Variants in PKIA observed in about 807,000 individuals in gnomAD.
PKIA encodes the protein cAMP-dependent protein kinase inhibitor alpha.
PKIA carries 4 observed loss-of-function variants against 7.6 expected under a neutral mutation model. The ratio of observed to expected loss-of-function variants is 0.52; its 90% CI spans 0.26 to 1.20. PKIA has a LOEUF of 1.20. Ranked by LOEUF, PKIA falls within the 50% of genes most tolerant of loss-of-function variation. The pLI is 0.13. For missense variants in PKIA, 73 were observed against 86.2 expected (o/e 0.85, Z 0.61); for synonymous variants, 21 against 30.7 (o/e 0.68, Z 1.04).
chr8:78,582,516 G>C (rs898796627), intron 2 of PKIA, among the ~76,000 whole-genome samples: 3 of 152,006 alleles, frequency 2.0e-5, no homozygotes, highest in Non-Finnish European at 4.4e-5. Flanking sequence ...CCCACAACAC[G>C]TGAGGATTAT....
intron 1 of PKIA, among the ~76,000 whole-genome samples, chr8:78,537,435 G>C (rs973032944): frequency 6.6e-6 from 1 of 151,988 alleles, no homozygotes; most frequent in Non-Finnish European, 1.5e-5. Context: ...AAAGCCACAA[G>C]GGAACAAGTC....
chr8:78,582,439 C>T (rs1320451171), intron 2 of PKIA, among the ~76,000 whole-genome samples: 1 of 152,012 alleles, frequency 6.6e-6, no homozygotes, highest in Non-Finnish European at 1.5e-5. Context: ...CTTGTGAGCA[C>T]TCACTATCAC....
In PKIA at chr8:78,574,359, G is replaced by T. The variant is rs186956359; in HGVS notation, c.-28+1420G>T. On this transcript the variant is annotated intron_variant, in intron 2 of 3. Coordinates refer to ENST00000396418, the MANE Select transcript of PKIA (RefSeq NM_006823.4). ...CTTACTGTAAAACATATTTGTTAAA[G>T]CATTTTTATAATGACACAGTTAAGG... Among the ~76,000 whole-genome samples, 223 of 151,996 alleles carry T rather than the reference G, an allele frequency of 1.5e-3. 1 individual carries two copies. Among genetic ancestry groups the T allele is most frequent in the African/African-American group, 5.2e-3 (214 of 41,486 alleles).
chr8:78,547,748 T>TA (rs1183265911), intron 1 of PKIA, among the ~76,000 whole-genome samples: 1 of 152,164 alleles, frequency 6.6e-6, no homozygotes, highest in Admixed American at 6.6e-5. Flanking sequence ...GTCAACCTTT[T>TA]AAAAATCAGC....
chr8:78,598,609 C>A, intron 3 of PKIA, 74 bp downstream of exon 3: 2 of 1,160,380 alleles, frequency 1.7e-6, no homozygotes, highest in Admixed American at 2.0e-5. Context: ...GATTAAGGCA[C>A]GAAAAGCCAT....
intron 2 of PKIA, among the ~76,000 whole-genome samples, chr8:78,590,640 G>A (rs915366182): frequency 6.7e-6 from 1 of 149,890 alleles, no homozygotes; most frequent in African/African-American, 2.5e-5. Flanking sequence ...TGCCATACTT[G>A]TCACTATTTT....
At chr8:78,534,820 G>T (rs1806479078) in intron 1 of PKIA, 1 of 152,084 alleles carries the variant, frequency 6.6e-6, no homozygotes, top group African/African-American at 2.4e-5. Context: ...CTATTCTTTG[G>T]GATTTGCCCT....
intron 1 of PKIA, among the ~76,000 whole-genome samples, chr8:78,517,185 C>G (rs915785858): frequency 3.3e-5 from 5 of 152,192 alleles, no homozygotes; most frequent in African/African-American, 1.2e-4. Context: ...CCAAAAAGGG[C>G]ATTGCCTCAC....
chr8:78,531,616 T>C (rs909499593), intron 1 of PKIA, among the ~76,000 whole-genome samples: 1 of 152,070 alleles, frequency 6.6e-6, no homozygotes, highest in African/African-American at 2.4e-5. Context: ...CACAGAACAA[T>C]TGAGTAAAGT....
At chr8:78,518,069 G>A (rs1256002255) in intron 1 of PKIA, among the ~76,000 whole-genome samples, 1 of 152,192 alleles carries the variant, frequency 6.6e-6, no homozygotes, top group African/African-American at 2.4e-5. Context: ...GGAAAATCGT[G>A]TTAATCATAT....
intron 2 of PKIA, among the ~76,000 whole-genome samples, chr8:78,597,430 G>T (rs578233042): frequency 6.6e-6 from 1 of 152,114 alleles, no homozygotes; most frequent in East Asian, 1.9e-4. Context: ...GACTGGAAGC[G>T]CTATTTGATC....
chr8:78,553,387 A>T (rs1027471048), intron 1 of PKIA, among the ~76,000 whole-genome samples: 1 of 151,806 alleles, frequency 6.6e-6, no homozygotes, highest in African/African-American at 2.4e-5. Flanking sequence ...CATACTCCTC[A>T]TCTATAAAAT....
At chr8:78,600,028 T>A (rs1029619292) in intron 3 of PKIA, among the ~76,000 whole-genome samples, 1 of 150,756 alleles carries the variant, frequency 6.6e-6, no homozygotes, top group African/African-American at 2.4e-5. Context: ...ATTAAATAAT[T>A]TAAAATAATT....
chr8:78,564,352 T>C (rs1166704572), intron 1 of PKIA, among the ~76,000 whole-genome samples: 1 of 151,782 alleles, frequency 6.6e-6, no homozygotes, highest in African/African-American at 2.4e-5. Flanking sequence ...GAATAAGTTA[T>C]GAAGAGGCAG....
intron 1 of PKIA, among the ~76,000 whole-genome samples, chr8:78,569,133 A>G (rs948080747): frequency 1.3e-5 from 2 of 152,168 alleles, no homozygotes; most frequent in African/African-American, 2.4e-5. Context: ...AGTTGGGTAT[A>G]GGAGGCACTG....
chr8:78,573,563 C>G (rs1309906347), intron 2 of PKIA, among the ~76,000 whole-genome samples: 1 of 151,776 alleles, frequency 6.6e-6, no homozygotes, highest in Non-Finnish European at 1.5e-5. Context: ...AAAAGGACAT[C>G]CCATTTTATG....
rs774383323 is a variant in PKIA at position 78,567,180 on chromosome 8, CTTATA to C, written c.-156-5627_-156-5623del. Among the ~76,000 whole-genome samples the C allele has an allele frequency of 1.1e-3, 171 of 152,124 alleles. 2 individuals carry two copies. The highest frequency in any genetic ancestry group is 5.8e-4 in the East Asian group (3 of 5,170). On this transcript the variant is annotated intron_variant, in intron 1 of 3. Transcript: ENST00000396418. ...ACCCATTTTTCTCTATTATTAACAA[CTTATA>C]TTAGTATGTTACATTTGTTTCAATT...
intron 1 of PKIA, among the ~76,000 whole-genome samples, chr8:78,571,481 T>C (rs1807546562): frequency 6.6e-6 from 1 of 152,076 alleles, no homozygotes; most frequent in Non-Finnish European, 1.5e-5. Flanking sequence ...AGATAACATA[T>C]CTGGCTGAAA....
intron 1 of PKIA, among the ~76,000 whole-genome samples, chr8:78,529,934 T>C (rs1327331639): frequency 2.6e-5 from 4 of 152,138 alleles, no homozygotes; most frequent in Admixed American, 2.6e-4. Context: ...CTTGTAGAAC[T>C]GCGTAAAAAG....
Sources: allele counts gnomAD v4.1 joint callset (sites outside exome capture counted in the v4.1 genomes callset), GRCh38; gene constraint gnomAD v4.1.1; transcripts MANE v1.5; gene names NCBI Gene and HGNC (gene_info 2026-07-23, HGNC 2026-07-21).